Variants in IL1RAPL2 observed in about 807,000 individuals in gnomAD.
The protein encoded by IL1RAPL2 is X-linked interleukin-1 receptor accessory protein-like 2.
In IL1RAPL2, 3 loss-of-function variants were observed where a neutral mutation model predicts 44.1. That is an observed-to-expected ratio of 0.07 (90% CI 0.03 to 0.18). The LOEUF is 0.18. Among genes scored for constraint, IL1RAPL2 ranks in the 10% least tolerant of loss-of-function variants. The pLI is 1.00. For synonymous variants in IL1RAPL2, 181 were observed against 178.8 expected (o/e 1.01, Z -0.10); for missense variants, 391 against 496.4 (o/e 0.79, Z 2.02).
intron 2 of IL1RAPL2, among the ~76,000 whole-genome samples, chrX:105,126,097 A>T (rs2032972716): frequency 1.8e-5 from 2 of 110,827 alleles, no homozygotes; most frequent in Non-Finnish European, 3.8e-5. Flanking sequence ...ATTGCTGAGA[A>T]GTTCTTCCTA....
At chrX:105,155,159 C>A (rs755455313) in intron 2 of IL1RAPL2, among the ~76,000 whole-genome samples, 4 of 111,402 alleles carry the variant, frequency 3.6e-5, no homozygotes, top group Non-Finnish European at 5.7e-5. Flanking sequence ...ATGGTGCTTA[C>A]CCCCTAGTGT....
intron 1 of IL1RAPL2, among the ~76,000 whole-genome samples, chrX:104,616,696 C>T (rs1031464472): frequency 3.4e-4 from 38 of 111,710 alleles, no homozygotes; most frequent in Non-Finnish European, 6.4e-4. Flanking sequence ...TGACTCAGTA[C>T]AGGAAGATAG....
At chrX:105,033,881 C>G (rs1318829755) in intron 2 of IL1RAPL2, among the ~76,000 whole-genome samples, 1 of 111,910 alleles carries the variant, frequency 8.9e-6, no homozygotes, top group Non-Finnish European at 1.9e-5. Flanking sequence ...TAGATTTGGT[C>G]TTTTCACATA....
intron 6 of IL1RAPL2, among the ~76,000 whole-genome samples, chrX:105,511,980 T>G (rs2036473301): frequency 9.0e-6 from 1 of 111,105 alleles, no homozygotes; most frequent in Non-Finnish European, 1.9e-5. Context: ...AAAACTTGAG[T>G]AAGCCAAACT....
chrX:104,600,152 C>T (rs1490819768), intron 1 of IL1RAPL2, among the ~76,000 whole-genome samples: 1 of 112,249 alleles, frequency 8.9e-6, no homozygotes, highest in Non-Finnish European at 1.9e-5. Flanking sequence ...AAATCATTAT[C>T]TACAGGGATA....
At chrX:105,499,288 A>G (rs760955125) in intron 6 of IL1RAPL2, among the ~76,000 whole-genome samples, 1 of 111,206 alleles carries the variant, frequency 9.0e-6, no homozygotes, top group African/African-American at 3.3e-5. Context: ...TACAACTCCT[A>G]AAAGAAAACA....
intron 2 of IL1RAPL2, among the ~76,000 whole-genome samples, chrX:105,042,344 T>C (rs2031758604): frequency 9.0e-6 from 1 of 110,601 alleles, no homozygotes; most frequent in Non-Finnish European, 1.9e-5. Context: ...AAAGGGCTAA[T>C]ATCCAGAATC....
chrX:105,564,576 GA>G (rs1211365261), intron 6 of IL1RAPL2, among the ~76,000 whole-genome samples: 1 of 112,388 alleles, frequency 8.9e-6, no homozygotes, highest in Non-Finnish European at 1.9e-5. Context: ...AATAACTTTA[GA>G]TATGCCTTGC....
intron 2 of IL1RAPL2, among the ~76,000 whole-genome samples, chrX:104,838,839 CTTTCTTTCTTTTTT>C (rs1921818127): frequency 1.6e-5 from 1 of 63,890 alleles, no homozygotes. Context: ...TTCTTTCTTT[CTTTCTTTCTTTTTT>C]TTTTTTTTTT....
At chrX:104,883,832 T>C (rs756049041) in intron 2 of IL1RAPL2, among the ~76,000 whole-genome samples, 8 of 111,658 alleles carry the variant, frequency 7.2e-5, no homozygotes, top group African/African-American at 2.6e-4. Context: ...CAAAAGCTAT[T>C]CCTGAAGCTA....
chrX:105,483,641 T>C (rs2036246929), intron 5 of IL1RAPL2, among the ~76,000 whole-genome samples: 2 of 111,553 alleles, frequency 1.8e-5, no homozygotes, highest in African/African-American at 6.5e-5. Flanking sequence ...CTTTACCACC[T>C]ATATATAGCC....
At chrX:104,767,691 A>G (rs1481034274) in intron 2 of IL1RAPL2, among the ~76,000 whole-genome samples, 1 of 112,324 alleles carries the variant, frequency 8.9e-6, no homozygotes, top group Non-Finnish European at 1.9e-5. Flanking sequence ...TACCCATAGT[A>G]CAAATTACAA....
intron 2 of IL1RAPL2, among the ~76,000 whole-genome samples, chrX:104,736,666 G>C (rs974255104): frequency 8.9e-6 from 1 of 112,167 alleles, no homozygotes. Context: ...TTAAAAAGTA[G>C]CCTCTTGTCC....
intron 1 of IL1RAPL2, among the ~76,000 whole-genome samples, chrX:104,591,052 A>C (rs752174644): frequency 2.3e-4 from 26 of 111,741 alleles, no homozygotes; most frequent in African/African-American, 8.1e-4. Context: ...GTACACATAC[A>C]CAGGCAAGGA....
At chrX:105,239,494 C>T (rs894444437) in intron 4 of IL1RAPL2, among the ~76,000 whole-genome samples, 5 of 110,719 alleles carry the variant, frequency 4.5e-5, no homozygotes, top group Non-Finnish European at 9.4e-5. Context: ...TATCAGGCAA[C>T]GTATGTACCA....
chrX:104,714,482 C>A (rs981395513), intron 2 of IL1RAPL2, among the ~76,000 whole-genome samples: 3 of 110,888 alleles, frequency 2.7e-5, no homozygotes, highest in African/African-American at 6.5e-5. Context: ...CTTCCTTCGG[C>A]TCTCATTCCA....
At position 105,388,356 on chromosome X, in the gene IL1RAPL2, A is replaced by ATTTTTTTTT. The variant is rs772573698; in HGVS notation, c.698-95936_698-95928dup. ...CAAACCAAATATTTTACCAAAGCAG[A>ATTTTTTTTT]TTTTTTTTTTTTTTTTTTTTTTTTT... On this transcript the variant is annotated intron_variant, in intron 5 of 10. Transcript: ENST00000372582. 2.8e-4 allele frequency among the ~76,000 whole-genome samples: 17 copies of ATTTTTTTTT among 61,260 alleles called. 3 individuals are homozygous for ATTTTTTTTT. Among genetic ancestry groups the ATTTTTTTTT allele is most frequent in the African/African-American group, 1.6e-3 (16 of 9,702 alleles). 53.2% of individuals were successfully genotyped at this position (61,260 alleles called of 115,157 possible).
intron 2 of IL1RAPL2, among the ~76,000 whole-genome samples, chrX:104,994,342 G>GA (rs1372378730): frequency 3.6e-5 from 4 of 111,292 alleles, no homozygotes; most frequent in East Asian, 2.9e-4. Context: ...AAACTGTGGT[G>GA]AAAAAAATCA....
intron 1 of IL1RAPL2, among the ~76,000 whole-genome samples, chrX:104,610,605 A>G (rs1399884336): frequency 8.9e-6 from 1 of 111,741 alleles, no homozygotes; most frequent in East Asian, 2.8e-4. Flanking sequence ...AGAACTACAA[A>G]CCACTGCTCA....
Sources: gnomAD v4.1 joint callset for allele counts (sites outside exome capture counted in the v4.1 genomes callset) on GRCh38, gnomAD v4.1.1 for gene constraint, MANE v1.5 for transcripts, NCBI Gene and HGNC (gene_info 2026-07-23, HGNC 2026-07-21) for gene names.